Variants in TRIM44 observed in about 807,000 individuals in gnomAD.
TRIM44 encodes tripartite motif containing 44, also known as tripartite motif-containing protein 44.
Under a neutral mutation model 37.4 loss-of-function variants are expected in TRIM44, and 13 were observed. The ratio of observed to expected loss-of-function variants is 0.35; its 90% CI spans 0.23 to 0.55. The LOEUF is 0.55. TRIM44 is among the 20% of genes least tolerant of loss of function. TRIM44 has a pLI of 0.89. For missense variants in TRIM44, 426 were observed against 437.2 expected (o/e 0.97, Z 0.23); for synonymous variants, 175 against 157.2 (o/e 1.11, Z -0.85).
At chr11:35,732,020 G>A (rs1170738491) in intron 3 of TRIM44, among the ~76,000 whole-genome samples, 1 of 152,156 alleles carries the variant, frequency 6.6e-6, no homozygotes, top group Admixed American at 6.5e-5. Flanking sequence ...CAAGCTGAAT[G>A]CAGAATCTTA....
chr11:35,705,090 A>G (rs565341382), intron 2 of TRIM44, among the ~76,000 whole-genome samples: 4 of 149,010 alleles, frequency 2.7e-5, no homozygotes, highest in Non-Finnish European at 3.0e-5. Context: ...ATGGAAAACA[A>G]AAAAAGGCAG....
intron 4 of TRIM44, among the ~76,000 whole-genome samples, chr11:35,770,875 C>T (rs906609048): frequency 6.6e-6 from 1 of 152,094 alleles, no homozygotes; most frequent in African/African-American, 2.4e-5. Context: ...TTGCCACCAC[C>T]GTGTAAGAGG....
intron 4 of TRIM44, among the ~76,000 whole-genome samples, chr11:35,766,630 C>T (rs545719662): frequency 2.0e-5 from 3 of 152,272 alleles, no homozygotes; most frequent in Admixed American, 6.5e-5. Flanking sequence ...TCATCCAGCA[C>T]ATAGTTCTTA....
At chr11:35,713,665 A>C (rs921702706) in intron 2 of TRIM44, among the ~76,000 whole-genome samples, 2 of 152,118 alleles carry the variant, frequency 1.3e-5, no homozygotes, top group Admixed American at 6.6e-5. Flanking sequence ...GTGGAAGATG[A>C]TTTTGGGGAC....
chr11:35,750,073 A>G (rs150090792), intron 4 of TRIM44, among the ~76,000 whole-genome samples: 48 of 152,310 alleles, frequency 3.2e-4, no homozygotes, highest in Non-Finnish European at 6.3e-4. Flanking sequence ...AGACAGAAAA[A>G]CAGTGTGGCC....
At chr11:35,803,271 T>TA (rs1853393551) in intron 4 of TRIM44, among the ~76,000 whole-genome samples, 2 of 135,468 alleles carry the variant, frequency 1.5e-5, no homozygotes, top group Non-Finnish European at 3.4e-5. Flanking sequence ...CTTAGTTTAT[T>TA]TAAAAAAAAA....
At chr11:35,729,944 C>G (rs1852232958) in intron 3 of TRIM44, among the ~76,000 whole-genome samples, 1 of 151,914 alleles carries the variant, frequency 6.6e-6, no homozygotes, top group South Asian at 2.1e-4. Context: ...AGCACTATAC[C>G]CCAGTATGGG....
intron 1 of TRIM44, 125 bp downstream of exon 1, chr11:35,663,905 TG>T: frequency 8.7e-7 from 1 of 1,155,424 alleles, no homozygotes; most frequent in Non-Finnish European, 1.2e-6. Context: ...TCCAACTTTT[TG>T]GGAGCAGTTC....
At chr11:35,683,270 A>C (rs1206360271) in intron 1 of TRIM44, among the ~76,000 whole-genome samples, 1 of 152,232 alleles carries the variant, frequency 6.6e-6, no homozygotes, top group African/African-American at 2.4e-5. Context: ...TCATTTTAAA[A>C]AATAGAACTT....
intron 2 of TRIM44, among the ~76,000 whole-genome samples, chr11:35,686,056 C>T (rs1408134165): frequency 1.3e-5 from 2 of 152,178 alleles, no homozygotes; most frequent in Admixed American, 6.5e-5. Flanking sequence ...CCACTGCTTC[C>T]AGGAGCCAGC....
intron 2 of TRIM44, among the ~76,000 whole-genome samples, chr11:35,691,221 G>T (rs1048036721): frequency 3.3e-5 from 5 of 152,180 alleles, no homozygotes; most frequent in African/African-American, 1.2e-4. Flanking sequence ...GACACTAAAT[G>T]GGAAAAATAC....
intron 4 of TRIM44, among the ~76,000 whole-genome samples, chr11:35,757,552 G>A (rs144855028): frequency 0.011 from 1,637 of 152,228 alleles, 34 homozygotes; most frequent in African/African-American, 0.037. Context: ...TTTTGAATGT[G>A]TTTGCTCTTG....
At chr11:35,745,830 C>T (rs1194983537) in intron 4 of TRIM44, among the ~76,000 whole-genome samples, 1 of 152,062 alleles carries the variant, frequency 6.6e-6, no homozygotes, top group Non-Finnish European at 1.5e-5. Flanking sequence ...GGGAGGAAAC[C>T]AGAGTACCTG....
At chr11:35,745,832 G>T (rs1002349505) in intron 4 of TRIM44, among the ~76,000 whole-genome samples, 1 of 152,052 alleles carries the variant, frequency 6.6e-6, no homozygotes, top group Non-Finnish European at 1.5e-5. Flanking sequence ...GAGGAAACCA[G>T]AGTACCTGGA....
chr11:35,756,955 G>T (rs1255341178), intron 4 of TRIM44, among the ~76,000 whole-genome samples: 2 of 152,192 alleles, frequency 1.3e-5, no homozygotes, highest in African/African-American at 2.4e-5. Context: ...AGGGATATTG[G>T]TCTGAAATTC....
intron 2 of TRIM44, 37 bp from the exon 3 acceptor site, chr11:35,725,887 G>A (rs1852168636): frequency 4.4e-6 from 7 of 1,605,790 alleles, no homozygotes; most frequent in East Asian, 2.2e-5. Flanking sequence ...TTCTTTGTAT[G>A]TTCAACTTAT....
At chr11:35,682,590 A>G (rs1851531948) in intron 1 of TRIM44, among the ~76,000 whole-genome samples, 1 of 152,218 alleles carries the variant, frequency 6.6e-6, no homozygotes, top group Non-Finnish European at 1.5e-5. Flanking sequence ...GGCTCATCAT[A>G]GAGCCCAGTT....
chr11:35,745,978 T>A (rs1470838460), intron 4 of TRIM44, among the ~76,000 whole-genome samples: 1 of 152,226 alleles, frequency 6.6e-6, no homozygotes, highest in Non-Finnish European at 1.5e-5. Context: ...TTCAAGGACC[T>A]GCTGTAGTTT....
intron 4 of TRIM44, among the ~76,000 whole-genome samples, chr11:35,757,230 G>C (rs1445184134): frequency 6.6e-6 from 1 of 152,104 alleles, no homozygotes; most frequent in East Asian, 1.9e-4. Context: ...TTTAGTCTTG[G>C]GAGGGCGTAT....
Sources: allele counts gnomAD v4.1 joint callset (sites outside exome capture counted in the v4.1 genomes callset), GRCh38; gene constraint gnomAD v4.1.1; transcripts MANE v1.5; gene names NCBI Gene and HGNC (gene_info 2026-07-23, HGNC 2026-07-21).